LGSN: variants seen among roughly 807,000 people sequenced by gnomAD.
LGSN encodes lengsin, lens protein with glutamine synthetase domain.
In LGSN, 21 loss-of-function variants were observed where a neutral mutation model predicts 19.5. That is an observed-to-expected ratio of 1.07 (90% CI 0.76 to 1.55). LGSN has a LOEUF of 1.55. Among genes scored for constraint, LGSN ranks in the 40% most tolerant of loss-of-function variants. LGSN has a pLI of 0.00. For missense variants in LGSN, 673 were observed against 608.5 expected, an observed-to-expected ratio of 1.11 and a Z score of -1.12; for synonymous variants, 257 against 215.6, an observed-to-expected ratio of 1.19 and a Z score of -1.68.
the LGSN span, among the ~76,000 whole-genome samples, chr6:63,433,071 C>T: frequency 5.9e-5 from 9 of 152,172 alleles, no homozygotes; most frequent in African/African-American, 1.4e-4. Flanking sequence ...CTCCAAGATT[C>T]GTACTTCTAG....
intron 1 of LGSN, among the ~76,000 whole-genome samples, chr6:63,318,131 A>C (rs1184041447): frequency 6.6e-6 from 1 of 152,208 alleles, no homozygotes; most frequent in Non-Finnish European, 1.5e-5. Context: ...AGAGAATCTC[A>C]GTAAAATATT....
chr6:63,399,040 C>A, the LGSN span, among the ~76,000 whole-genome samples: 1 of 152,126 alleles, frequency 6.6e-6, no homozygotes, highest in Admixed American at 6.5e-5. Flanking sequence ...CTCCTAGGCT[C>A]CAGTGGTCCT....
the LGSN span, among the ~76,000 whole-genome samples, chr6:63,431,480 C>A: frequency 6.6e-6 from 1 of 152,176 alleles, no homozygotes; most frequent in Non-Finnish European, 1.5e-5. Flanking sequence ...CCAACTGCAG[C>A]AGTTAAGAGC....
the LGSN span, among the ~76,000 whole-genome samples, chr6:63,326,979 C>T: frequency 3.4e-4 from 52 of 151,988 alleles, no homozygotes; most frequent in African/African-American, 1.1e-3. Context: ...CGAGAGCGAG[C>T]GAGGGCTGTG....
At chr6:63,557,543 G>A in the LGSN span, among the ~76,000 whole-genome samples, 8 of 152,200 alleles carry the variant, frequency 5.3e-5, no homozygotes, top group Non-Finnish European at 1.2e-4. Context: ...TCCAGCCTGG[G>A]CTACAGAGTG....
chr6:63,375,920 A>T, the LGSN span, among the ~76,000 whole-genome samples: 4 of 152,148 alleles, frequency 2.6e-5, no homozygotes, highest in African/African-American at 9.7e-5. Context: ...TCTACATATT[A>T]TCTTGTTTGG....
At chr6:63,546,805 C>A in the LGSN span, among the ~76,000 whole-genome samples, 1 of 152,038 alleles carries the variant, frequency 6.6e-6, no homozygotes, top group Admixed American at 6.6e-5. Context: ...ATGTGTTACA[C>A]ACCTGAAAAT....
chr6:63,441,331 T>G, the LGSN span: 1 of 474,514 alleles, frequency 2.1e-6, no homozygotes, highest in African/African-American at 2.0e-5. Flanking sequence ...TTGGTCAACC[T>G]CCAGCACCTG....
the LGSN span, among the ~76,000 whole-genome samples, chr6:63,509,571 G>T: frequency 1.3e-5 from 2 of 151,970 alleles, no homozygotes; most frequent in Admixed American, 6.6e-5. Flanking sequence ...TTATATAGCT[G>T]CCATAGTTTC....
At chr6:63,412,529 G>GAAAGAAGGAAGGAAGGAAA in the LGSN span, among the ~76,000 whole-genome samples, 1 of 32,406 alleles carries the variant, frequency 3.1e-5, no homozygotes, top group Non-Finnish European at 5.7e-5. Context: ...AAAGAAAGAA[G>GAAAGAAGGAAGGAAGGAAA]GAAAGAAAGA....
At chr6:63,324,809 A>G (rs1769195432), upstream of LGSN, among the ~76,000 whole-genome samples, 1 of 116,012 alleles carries the variant, frequency 8.6e-6, no homozygotes, top group Admixed American at 8.1e-5. Context: ...ACACCTACAT[A>G]AAAAAAAAAA....
chr6:63,281,304 A>AATAT (rs1223943140), intron 3 of LGSN, 84 bp from the exon 4 acceptor site: 1,944 of 135,666 alleles, frequency 0.014, 44 homozygotes, highest in African/African-American at 0.043. Context: ...TGCTAATGAA[A>AATAT]ATATATATAT....
chr6:63,326,997 C>A, the LGSN span, among the ~76,000 whole-genome samples: 1 of 152,252 alleles, frequency 6.6e-6, no homozygotes, highest in East Asian at 1.9e-4. Context: ...GTGAGGACTG[C>A]CAGCACGCTG....
the LGSN span, among the ~76,000 whole-genome samples, chr6:63,430,722 G>A: frequency 6.6e-6 from 1 of 152,084 alleles, no homozygotes. Context: ...GAGTGAAATC[G>A]TGTTCCCTGC....
rs1767131541 is a variant in LGSN, at chr6:63,277,379, T to C, written c.*2642A>G. ...TTTGATTAACTCAGATTATCCTCTC[T>C]AGAAGTGGGAATATTGAGGAAGTCG... On this transcript the variant is annotated 3_prime_UTR_variant, in exon 4 of 4. Coordinates refer to ENST00000370657, the MANE Select transcript of LGSN (RefSeq NM_016571.3). The C allele has an allele frequency of 6.6e-6, 1 of 152,224 alleles. No individual in the cohort carries two copies. The allele number at this position is 152,224 out of a possible 1,614,324, so 9.4% of individuals were successfully genotyped here. A position where few individuals can be genotyped will look rare whatever the true frequency, so the allele number is the denominator to read the frequency against.
At chr6:63,320,227 G>T (rs1171596203), upstream of LGSN, among the ~76,000 whole-genome samples, 3 of 152,144 alleles carry the variant, frequency 2.0e-5, no homozygotes, top group East Asian at 5.8e-4. Flanking sequence ...TGTGTTGGTT[G>T]ATTTTTTTCT....
upstream of LGSN, among the ~76,000 whole-genome samples, chr6:63,320,165 T>C (rs941463919): frequency 2.0e-5 from 3 of 152,150 alleles, no homozygotes; most frequent in African/African-American, 7.2e-5. Flanking sequence ...GAATGACAAA[T>C]GCTTGTTTAC....
chr6:63,386,501 T>C, the LGSN span, among the ~76,000 whole-genome samples: 2 of 152,190 alleles, frequency 1.3e-5, no homozygotes, highest in African/African-American at 4.8e-5. Flanking sequence ...CTTTCATATT[T>C]CCAATCTCAT....
chr6:63,549,029 G>A, the LGSN span: 17 of 727,606 alleles, frequency 2.3e-5, no homozygotes, highest in South Asian at 8.6e-5. Context: ...TGGGATCCAC[G>A]TCGTGTGCAA....
Sources: gnomAD v4.1 joint callset for allele counts (sites outside exome capture counted in the v4.1 genomes callset) on GRCh38, gnomAD v4.1.1 for gene constraint, MANE v1.5 for transcripts, NCBI Gene and HGNC (gene_info 2026-07-23, HGNC 2026-07-21) for gene names.